UNC13C: variants seen among roughly 807,000 people sequenced by gnomAD.
UNC13C encodes the protein protein unc-13 homolog C.
UNC13C carries 174 observed loss-of-function variants against 245.4 expected under a neutral mutation model. The ratio of observed to expected loss-of-function variants is 0.71; its 90% CI spans 0.63 to 0.80. UNC13C has a LOEUF of 0.80. UNC13C is among the 30% of genes least tolerant of loss of function. UNC13C has a pLI of 0.00. For missense variants in UNC13C, 2,829 were observed against 2,602.9 expected, an observed-to-expected ratio of 1.09 and a Z score of -1.89; for synonymous variants, 992 against 895.1, an observed-to-expected ratio of 1.11 and a Z score of -1.93.
At chr15:54,136,827 T>G (rs1187423069) in intron 2 of UNC13C, among the ~76,000 whole-genome samples, 1 of 138,938 alleles carries the variant, frequency 7.2e-6, no homozygotes, top group Non-Finnish European at 1.5e-5. Context: ...TCCTTCATTC[T>G]TTTATTTTTG....
At chr15:54,570,726 T>C (rs969179912) in intron 30 of UNC13C, among the ~76,000 whole-genome samples, 4 of 152,168 alleles carry the variant, frequency 2.6e-5, no homozygotes, top group Admixed American at 6.5e-5. Context: ...ATTAGCTGCA[T>C]TTTAGAATTA....
rs535452701 is a variant in UNC13C, at chr15:54,247,522, G to A, written c.3229-2703G>A. On this transcript the variant is annotated intron_variant, in intron 7 of 32. Coordinates refer to ENST00000260323, the MANE Select transcript of UNC13C (RefSeq NM_001080534.3). ...GCTGAAAAAAGAGTGTTTTCGTATG[G>A]CATTTATTTCAGAGTAATTTTCAGC... Among the ~76,000 whole-genome samples the A allele has an allele frequency of 3.9e-5, 6 of 152,012 alleles. No individual in the cohort carries two copies. The South Asian group carries it at 1.2e-3, about 32-fold the overall frequency.
In UNC13C at chr15:54,349,687, G is replaced by A. The variant is rs116212359; in HGVS notation, c.4713+11198G>A. 8.7e-3 allele frequency among the ~76,000 whole-genome samples: 1,319 copies of A among 152,240 alleles called. 24 individuals are homozygous for A. Among genetic ancestry groups the A allele is most frequent in the African/African-American group, 0.03 (1,247 of 41,536 alleles). ...TGGAACCTTCATGCACTTTCAGTTG[G>A]CAAGTAAGCCGGGAGCCAGTAATCT... On this transcript the variant is annotated intron_variant, in intron 17 of 32. Coordinates refer to ENST00000260323, the MANE Select transcript of UNC13C (RefSeq NM_001080534.3).
chr15:54,515,394 CTTAA>C (rs1219073013), intron 24 of UNC13C, among the ~76,000 whole-genome samples: 1 of 152,064 alleles, frequency 6.6e-6, no homozygotes, highest in African/African-American at 2.4e-5. Context: ...ATGTTAATAG[CTTAA>C]TTATTTCATG....
At position 54,400,012 on chromosome 15, in the gene UNC13C, C is replaced by T. The variant is rs909619855; in HGVS notation, c.4847+6831C>T. Among the ~76,000 whole-genome samples the T allele has an allele frequency of 3.3e-5, 5 of 151,940 alleles. No individual in the cohort carries two copies. The East Asian group carries it at 9.6e-4, about 29-fold the overall frequency. ...GTCCTGTATATCCATTATTCAAATT[C>T]AACAATTATCAAAATTTTGTGATGT... On this transcript the variant is annotated intron_variant, in intron 18 of 32. Transcript: ENST00000260323.
chr15:53,849,482 C>A, the UNC13C span, among the ~76,000 whole-genome samples: 1 of 152,042 alleles, frequency 6.6e-6, no homozygotes, highest in African/African-American at 2.4e-5. Context: ...ACTTTAAGTC[C>A]ATTCTACTTT....
intron 4 of UNC13C, among the ~76,000 whole-genome samples, chr15:54,217,860 G>C (rs377164950): frequency 6.6e-6 from 1 of 151,720 alleles, no homozygotes; most frequent in African/African-American, 2.4e-5. Context: ...AGGTCCGTAG[G>C]CTTCCATCTT....
At chr15:54,393,978 T>C (rs774845563) in intron 18 of UNC13C, among the ~76,000 whole-genome samples, 1 of 151,888 alleles carries the variant, frequency 6.6e-6, no homozygotes, top group Non-Finnish European at 1.5e-5. Flanking sequence ...AAGAGGATTG[T>C]CTTGACAATA....
chr15:54,422,150 T>C (rs1207099914), intron 19 of UNC13C, among the ~76,000 whole-genome samples: 1 of 152,000 alleles, frequency 6.6e-6, no homozygotes, highest in Non-Finnish European at 1.5e-5. Flanking sequence ...TCAGACATTA[T>C]CTTTGATTCC....
At chr15:54,478,716 G>C (rs1892919150) in intron 19 of UNC13C, among the ~76,000 whole-genome samples, 1 of 151,442 alleles carries the variant, frequency 6.6e-6, no homozygotes, top group East Asian at 2.0e-4. Context: ...TTGCTGAGGA[G>C]AGCTTTACTT....
chr15:54,419,394 G>A (rs1456543568), intron 19 of UNC13C, among the ~76,000 whole-genome samples: 1 of 151,990 alleles, frequency 6.6e-6, no homozygotes, highest in Non-Finnish European at 1.5e-5. Context: ...CACACAGCTG[G>A]GTGCTCTGAT....
intron 17 of UNC13C, among the ~76,000 whole-genome samples, chr15:54,353,513 A>G (rs1445300003): frequency 6.6e-6 from 1 of 152,134 alleles, no homozygotes; most frequent in Non-Finnish European, 1.5e-5. Flanking sequence ...AATTCTATAG[A>G]CAGTTGTATT....
At chr15:54,497,578 T>C (rs943600914) in intron 20 of UNC13C, among the ~76,000 whole-genome samples, 1 of 151,996 alleles carries the variant, frequency 6.6e-6, no homozygotes, top group Non-Finnish European at 1.5e-5. Context: ...GAAAATCAAG[T>C]AGAAAGTGGC....
intron 20 of UNC13C, among the ~76,000 whole-genome samples, chr15:54,499,102 C>A (rs1407656517): frequency 2.0e-5 from 3 of 152,030 alleles, no homozygotes; most frequent in Non-Finnish European, 2.9e-5. Flanking sequence ...GCAGGCTGTA[C>A]AAGAAGCATA....
intron 2 of UNC13C, among the ~76,000 whole-genome samples, chr15:54,022,956 G>A (rs1165272401): frequency 1.3e-5 from 2 of 152,182 alleles, no homozygotes; most frequent in South Asian, 2.1e-4. Context: ...GAATACATGT[G>A]TTTGTAAATT....
intron 19 of UNC13C, among the ~76,000 whole-genome samples, chr15:54,476,106 C>G (rs1379531035): frequency 1.8e-5 from 2 of 113,676 alleles, no homozygotes; most frequent in East Asian, 8.7e-4. Context: ...TAAATGTCTT[C>G]TTTTGAGAAG....
chr15:54,483,821 G>A (rs1893260314), intron 19 of UNC13C, among the ~76,000 whole-genome samples: 1 of 152,098 alleles, frequency 6.6e-6, no homozygotes, highest in African/African-American at 2.4e-5. Flanking sequence ...TATTTTAATT[G>A]TGAGAAACAC....
chr15:54,628,985 G>C (rs568313321), downstream of UNC13C: 1 of 152,060 alleles, frequency 6.6e-6, no homozygotes, highest in Non-Finnish European at 1.5e-5. Context: ...ACATATGCAC[G>C]TATATGTCCA....
chr15:54,131,593 T>C (rs1388045374), intron 2 of UNC13C, among the ~76,000 whole-genome samples: 1 of 152,218 alleles, frequency 6.6e-6, no homozygotes, highest in Non-Finnish European at 1.5e-5. Context: ...ATATTCATGC[T>C]GTATACACTA....
Sources: allele counts gnomAD v4.1 joint callset (sites outside exome capture counted in the v4.1 genomes callset), GRCh38; gene constraint gnomAD v4.1.1; transcripts MANE v1.5; gene names NCBI Gene and HGNC (gene_info 2026-07-23, HGNC 2026-07-21).